Variants in BCL7B observed in about 807,000 individuals in gnomAD.
BCL7B encodes the protein BAF chromatin remodeling complex subunit BCL7B.
In BCL7B, 11 loss-of-function variants were observed where a neutral mutation model predicts 26.5. The ratio of observed to expected loss-of-function variants is 0.42; its 90% confidence interval spans 0.26 to 0.69. The LOEUF is 0.69. Ranked by LOEUF, BCL7B falls within the 30% of genes least tolerant of loss-of-function variation. The pLI, the probability that BCL7B is intolerant of heterozygous loss-of-function variation, is 0.28. For missense variants in BCL7B, 215 were observed against 264.4 expected, an observed-to-expected ratio of 0.81 and a Z score of 1.30; for synonymous variants, 111 against 107.9, an observed-to-expected ratio of 1.03 and a Z score of -0.18.
At chr7:73,546,146 AAAAG>A (rs1180590988) in intron 2 of BCL7B, among the ~76,000 whole-genome samples, 3 of 151,236 alleles carry the variant, frequency 2.0e-5, no homozygotes, top group Non-Finnish European at 4.4e-5. Context: ...AAAAAAAAAA[AAAAG>A]AAAGAAAAAC....
chr7:73,556,615 A>G (rs985989009), intron 1 of BCL7B, among the ~76,000 whole-genome samples: 3 of 152,056 alleles, frequency 2.0e-5, no homozygotes, highest in African/African-American at 7.3e-5. Flanking sequence ...CAGGGGCTCA[A>G]TCGGCATCTT....
At chr7:73,542,381 T>C (rs1240061970) in intron 3 of BCL7B, among the ~76,000 whole-genome samples, 1 of 152,200 alleles carries the variant, frequency 6.6e-6, no homozygotes, top group African/African-American at 2.4e-5. Flanking sequence ...AACTACACGC[T>C]GGGTTAGCTC....
intron 1 of BCL7B, among the ~76,000 whole-genome samples, chr7:73,556,678 G>A (rs928925690): frequency 6.6e-6 from 1 of 152,086 alleles, no homozygotes; most frequent in African/African-American, 2.4e-5. Flanking sequence ...CTGGAGTGCC[G>A]TGGCACGATC....
At chr7:73,549,740 G>A (rs1221403468) in intron 2 of BCL7B, among the ~76,000 whole-genome samples, 1 of 152,232 alleles carries the variant, frequency 6.6e-6, no homozygotes, top group Non-Finnish European at 1.5e-5. Context: ...TGAGGTGGGA[G>A]GATTGCTTGA....
chr7:73,556,208 A>T (rs1241531490), intron 1 of BCL7B, among the ~76,000 whole-genome samples: 2 of 152,242 alleles, frequency 1.3e-5, no homozygotes, highest in Non-Finnish European at 2.9e-5. Context: ...CATAAAAAAG[A>T]GAAGGAACTT....
At chr7:73,541,490 C>A (rs56403441) in intron 3 of BCL7B, among the ~76,000 whole-genome samples, 8,654 of 148,786 alleles carry the variant, frequency 0.058, 272 homozygotes, top group Non-Finnish European at 0.066. Flanking sequence ...TTTTTGAGAC[C>A]GAGTTTCGCT....
intron 1 of BCL7B, among the ~76,000 whole-genome samples, chr7:73,556,586 C>T (rs1224920605): frequency 6.6e-6 from 1 of 152,132 alleles, no homozygotes; most frequent in South Asian, 2.1e-4. Flanking sequence ...TAGTATGTAT[C>T]GGAGTTCCGG....
chr7:73,552,138 G>C, intron 2 of BCL7B, 29 bp downstream of exon 2: 4 of 1,525,288 alleles, frequency 2.6e-6, no homozygotes, highest in Non-Finnish European at 3.6e-6. Flanking sequence ...TAAAGAAAAT[G>C]GTATCTTTTG....
chr7:73,540,750 A>C (rs556135119), intron 3 of BCL7B, among the ~76,000 whole-genome samples: 1 of 144,976 alleles, frequency 6.9e-6, no homozygotes, highest in Non-Finnish European at 1.5e-5. Context: ...GAATGGCATG[A>C]ACCTAGAAGG....
At chr7:73,551,377 G>A (rs1792163096) in intron 2 of BCL7B, among the ~76,000 whole-genome samples, 2 of 152,170 alleles carry the variant, frequency 1.3e-5, no homozygotes, top group South Asian at 4.1e-4. Flanking sequence ...TTGGCTCACT[G>A]CAACCTCTGC....
At position 73,540,162 on chromosome 7, in the gene BCL7B, C is replaced by T. The variant is rs147630881; in HGVS notation, c.266-110G>A. The T allele has an allele frequency of 1.9e-4, 226 of 1,167,914 alleles. No individual in the cohort carries two copies. In the East Asian group the frequency reaches 4.8e-3, roughly 25 times the overall value. 72.3% of individuals were successfully genotyped at this position (1,167,914 alleles called of 1,614,324 possible). A position where few individuals can be genotyped will look rare whatever the true frequency, so the allele number is the denominator to read the frequency against. On this transcript the variant is annotated intron_variant, in intron 3 of 5. Transcript: ENST00000223368. ...TCACTTTAGGCAGCCAAGGATACAACTGAGTATAATAATCATTGTGCCCGG... is the reference window on the plus strand; with the variant it reads ...TCACTTTAGGCAGCCAAGGATACAATTGAGTATAATAATCATTGTGCCCGG...
chr7:73,542,439 C>T (rs1554582970), intron 3 of BCL7B, among the ~76,000 whole-genome samples: 1 of 152,168 alleles, frequency 6.6e-6, no homozygotes, highest in Non-Finnish European at 1.5e-5. Flanking sequence ...AGTCTTGACT[C>T]CTATAAAGAC....
At chr7:73,538,540 A>C (rs1791626674) in intron 4 of BCL7B, among the ~76,000 whole-genome samples, 3 of 152,106 alleles carry the variant, frequency 2.0e-5, no homozygotes, top group Admixed American at 1.3e-4. Flanking sequence ...TGGGTCGGGC[A>C]TGGTGGCTCA....
chr7:73,538,093 G>T (rs1173350428), intron 4 of BCL7B, 80 bp from the exon 5 acceptor site: 15 of 873,234 alleles, frequency 1.7e-5, no homozygotes, highest in Admixed American at 2.7e-5. Context: ...GAGCTGTGTG[G>T]AGGTGGCTTG....
intron 2 of BCL7B, among the ~76,000 whole-genome samples, chr7:73,547,817 G>T (rs1483991744): frequency 1.3e-5 from 2 of 152,066 alleles, no homozygotes; most frequent in Non-Finnish European, 2.9e-5. Context: ...GGAGAAAACA[G>T]TAAGAAGTCG....
At chr7:73,555,407 A>AAAAAAAAAAAAAG (rs1792325809) in intron 1 of BCL7B, among the ~76,000 whole-genome samples, 2 of 152,184 alleles carry the variant, frequency 1.3e-5, no homozygotes, top group Admixed American at 6.5e-5. Context: ...GTCTCAAAAA[A>AAAAAAAAAAAAAG]AAAGAAATCA....
At position 73,539,943 on chromosome 7, in the gene BCL7B, G is replaced by A. The variant is rs782311426; in HGVS notation, c.375C>T (p.His125=). 1.0e-4 allele frequency: 166 copies of A among 1,614,006 alleles called. 1 individual carries two copies. Among genetic ancestry groups the A allele is most frequent in the Non-Finnish European group, 4.7e-5 (55 of 1,180,032 alleles). The change falls in exon 4 of 6, where the codon CAC becomes CAT. Residue 125 remains histidine, a synonymous_variant. Coordinates refer to ENST00000223368, the MANE Select transcript of BCL7B (RefSeq NM_001707.4). ...AGTCATCCGTGCGGAAGTCGGAGGT[G>A]TGTGCTGGGCTCAGGGACTCACTCT... is the stretch of plus-strand genomic sequence containing the variant. ...PQQSESLSPA[H]TSDFRTDDSQ... is the part of the protein sequence containing the mutation.
At chr7:73,537,817 G>A (rs1791598310) in intron 5 of BCL7B, 117 bp downstream of exon 5, 2 of 661,484 alleles carry the variant, frequency 3.0e-6, no homozygotes, top group Admixed American at 6.3e-5. Flanking sequence ...GAACCCAGGA[G>A]GCAGTGGAGG....
In BCL7B at chr7:73,536,839, C is replaced by A. The variant is rs561646706; in HGVS notation, c.*459G>T. The A allele has an allele frequency of 2.6e-4, 41 of 155,410 alleles. No homozygotes were observed. Among genetic ancestry groups the A allele is most frequent in the Non-Finnish European group, 4.6e-4 (32 of 70,000 alleles). 9.6% of individuals were successfully genotyped at this position (155,410 alleles called of 1,614,324 possible). On this transcript the variant is annotated 3_prime_UTR_variant, in exon 6 of 6. Transcript: ENST00000223368. ...CTTCCCTCCAATGTCTCTACCCAGTCCTCCAACAGCAGCCTACAGGGCCCC... is the reference window on the plus strand; with the variant it reads ...CTTCCCTCCAATGTCTCTACCCAGTACTCCAACAGCAGCCTACAGGGCCCC...
Sources: gnomAD v4.1 joint callset for allele counts (sites outside exome capture counted in the v4.1 genomes callset) on GRCh38, gnomAD v4.1.1 for gene constraint, MANE v1.5 for transcripts, NCBI Gene and HGNC (gene_info 2026-07-23, HGNC 2026-07-21) for gene names.